The following INTU variants were observed in gnomAD, a reference collection of about 807,000 sequenced individuals.
INTU encodes the protein inturned planar cell polarity protein, also known as protein inturned.
INTU carries 68 observed loss-of-function variants against 100.5 expected under a neutral mutation model. The ratio of observed to expected loss-of-function variants is 0.68; its 90% CI spans 0.56 to 0.83. The LOEUF (loss-of-function observed/expected upper bound fraction) is 0.83, where lower values mean the gene tolerates loss of function less well. INTU is among the 40% of genes least tolerant of loss of function. INTU has a pLI of 0.00. For synonymous variants in INTU, 357 were observed against 395.7 expected, an observed-to-expected ratio of 0.90 and a Z score of 1.16; for missense variants, 1,071 against 1,114.7, an observed-to-expected ratio of 0.96 and a Z score of 0.56.
chr4:127,637,063 C>T (rs536387558), intron 1 of INTU, among the ~76,000 whole-genome samples: 1 of 152,188 alleles, frequency 6.6e-6, no homozygotes, highest in Non-Finnish European at 1.5e-5. Flanking sequence ...TATCTCCTTA[C>T]TCTTGTCTTC....
chr4:127,637,856 A>G (rs1271285512), intron 1 of INTU, among the ~76,000 whole-genome samples: 2 of 152,200 alleles, frequency 1.3e-5, no homozygotes, highest in South Asian at 2.1e-4. Flanking sequence ...TGAAGTCACT[A>G]TTAGATGTGT....
chr4:127,686,263 C>G (rs971718613), intron 7 of INTU: 1 of 152,206 alleles, frequency 6.6e-6, no homozygotes, highest in Non-Finnish European at 1.5e-5. Flanking sequence ...CCCACTAATT[C>G]ATCAGCAAGT....
intron 6 of INTU, among the ~76,000 whole-genome samples, chr4:127,681,453 T>A (rs1729544223): frequency 6.6e-6 from 1 of 152,084 alleles, no homozygotes; most frequent in East Asian, 1.9e-4. Context: ...ATGCCTCATA[T>A]CTACAACTAT....
intron 9 of INTU, 60 bp from the exon 10 acceptor site, chr4:127,704,168 A>C: frequency 7.2e-7 from 1 of 1,384,988 alleles, no homozygotes; most frequent in Non-Finnish European, 1.0e-6. Flanking sequence ...TTATAGCTTA[A>C]TTGGAATTTT....
At chr4:127,710,575 A>G (rs1731056762) in intron 13 of INTU, among the ~76,000 whole-genome samples, 2 of 152,304 alleles carry the variant, frequency 1.3e-5, no homozygotes, top group African/African-American at 4.8e-5. Flanking sequence ...CACGAGCTGA[A>G]TTATTTAATA....
At chr4:127,666,404 G>T (rs1428198997) in intron 4 of INTU, among the ~76,000 whole-genome samples, 1 of 152,110 alleles carries the variant, frequency 6.6e-6, no homozygotes, top group Non-Finnish European at 1.5e-5. Context: ...CTAATGAGGG[G>T]ATGCTCTCCT....
At chr4:127,670,110 A>G (rs1728855496) in intron 5 of INTU, among the ~76,000 whole-genome samples, 1 of 151,876 alleles carries the variant, frequency 6.6e-6, no homozygotes, top group Non-Finnish European at 1.5e-5. Context: ...GCCATAGTTA[A>G]TTTATGGGAG....
intron 2 of INTU, among the ~76,000 whole-genome samples, chr4:127,653,516 A>G (rs1319235954): frequency 6.6e-6 from 1 of 151,774 alleles, no homozygotes; most frequent in Non-Finnish European, 1.5e-5. Flanking sequence ...TTCAGTTTCC[A>G]TGTAGTTGAG....
intron 14 of INTU, among the ~76,000 whole-genome samples, chr4:127,713,292 G>T (rs1300576038): frequency 6.6e-6 from 1 of 151,972 alleles, no homozygotes; most frequent in African/African-American, 2.4e-5. Flanking sequence ...TATTTTGGAG[G>T]GCAAACCAAA....
intron 3 of INTU, among the ~76,000 whole-genome samples, chr4:127,657,663 C>A (rs1214080179): frequency 6.6e-6 from 1 of 151,886 alleles, no homozygotes; most frequent in Non-Finnish European, 1.5e-5. Context: ...CTATTGTGAT[C>A]TGTGCATGAA....
intron 8 of INTU, among the ~76,000 whole-genome samples, chr4:127,694,516 G>A (rs185308072): frequency 4.8e-4 from 73 of 151,948 alleles, no homozygotes; most frequent in African/African-American, 1.6e-3. Flanking sequence ...TCAAAGAACC[G>A]GATTAGTTTA....
intron 9 of INTU, among the ~76,000 whole-genome samples, chr4:127,702,317 A>G (rs1730683335): frequency 6.6e-6 from 1 of 152,212 alleles, no homozygotes; most frequent in Non-Finnish European, 1.5e-5. Flanking sequence ...TATACCTACC[A>G]TGTAATTCAA....
intron 3 of INTU, among the ~76,000 whole-genome samples, chr4:127,662,917 T>TA (rs1184448246): frequency 1.3e-5 from 2 of 152,188 alleles, no homozygotes; most frequent in Non-Finnish European, 2.9e-5. Context: ...AATACCACCT[T>TA]ATTTGAAAGG....
chr4:127,643,769 A>G lies in INTU; in HGVS notation c.395A>G (p.Asn132Ser), dbSNP rs939697292. ...RLLPKRCNKK[N>S]SNDNGPVSIL... The stretch of plus-strand genomic sequence containing the variant: ...TTACCCAAGCGCTGCAATAAAAAAA[A>G]TAGCAATGACAATGGACCAGTATCC... Residue 132 changes from asparagine to serine, a missense_variant, in exon 2 of 16, where the codon AAT (asparagine) becomes AGT (serine). Transcript: ENST00000335251. The G allele has an allele frequency of 1.2e-6, 2 of 1,613,448 alleles. No individual in the cohort carries two copies. The highest frequency in any genetic ancestry group is 2.7e-5 in the African/African-American group (2 of 74,834).
intron 15 of INTU, 59 bp from the exon 16 acceptor site, chr4:127,716,266 A>T: frequency 1.3e-6 from 1 of 743,234 alleles, no homozygotes; most frequent in Non-Finnish European, 2.2e-6. Context: ...TTGGATGGTT[A>T]GAGTTTTTGT....
At chr4:127,653,693 A>G (rs1479745860) in intron 2 of INTU, among the ~76,000 whole-genome samples, 1 of 149,774 alleles carries the variant, frequency 6.7e-6, no homozygotes, top group Non-Finnish European at 1.5e-5. Flanking sequence ...AAAAATGTAT[A>G]TTCTGTTGAT....
intron 10 of INTU, among the ~76,000 whole-genome samples, chr4:127,705,006 G>T (rs1730816765): frequency 6.6e-6 from 1 of 151,872 alleles, no homozygotes; most frequent in Non-Finnish European, 1.5e-5. Context: ...GCAGGAGAAT[G>T]GTGTGAACCC....
At chr4:127,645,764 A>G (rs1727553342) in intron 2 of INTU, among the ~76,000 whole-genome samples, 3 of 151,830 alleles carry the variant, frequency 2.0e-5, no homozygotes, top group African/African-American at 2.4e-5. Context: ...GAGTTTCACC[A>G]TGTTGGTCAG....
At position 127,716,769 on chromosome 4, in the gene INTU, GA is replaced by G. The variant is rs1177242559; in HGVS notation, c.*338del. On this transcript the variant is annotated 3_prime_UTR_variant, in exon 16 of 16. Coordinates refer to ENST00000335251, the MANE Select transcript of INTU (RefSeq NM_015693.4). ...ATTAATATAGGAAATGTTTATTCTTGAAAAATACTCAATTTGTTGTTGTTTA... is the reference window on the plus strand; with the variant it reads ...ATTAATATAGGAAATGTTTATTCTTGAAAATACTCAATTTGTTGTTGTTTA... 6.3e-6 allele frequency: 1 copy of G among 157,882 alleles called. No homozygotes were observed. Among genetic ancestry groups the G allele is most frequent in the Non-Finnish European group, 1.4e-5 (1 of 71,896 alleles). 9.8% of individuals were successfully genotyped at this position (157,882 alleles called of 1,614,324 possible). A position where few individuals can be genotyped will look rare whatever the true frequency, so the allele number is the denominator to read the frequency against.
Sources: allele counts gnomAD v4.1 joint callset (sites outside exome capture counted in the v4.1 genomes callset), GRCh38; gene constraint gnomAD v4.1.1; transcripts MANE v1.5; gene names NCBI Gene and HGNC (gene_info 2026-07-23, HGNC 2026-07-21).